COMMD10: variants seen among roughly 807,000 people sequenced by gnomAD.
The protein encoded by COMMD10 is COMM domain-containing protein 10.
COMMD10 carries 33 observed loss-of-function variants against 28.9 expected under a neutral mutation model. The observed-to-expected ratio is 1.14, with a 90% CI of 0.87 to 1.53. The LOEUF is 1.53. COMMD10 is among the 40% of genes most tolerant of loss of function. The pLI is 0.00. For synonymous variants in COMMD10, 110 were observed against 81.7 expected (o/e 1.35, Z -1.87); for missense variants, 310 against 233.4 (o/e 1.33, Z -2.14).
intron 5 of COMMD10, among the ~76,000 whole-genome samples, chr5:116,209,143 G>A (rs1005787798): frequency 6.6e-6 from 1 of 151,060 alleles, no homozygotes; most frequent in African/African-American, 2.4e-5. Context: ...TTTGTTTGTA[G>A]TTTGCACATT....
chr5:116,225,418 T>C (rs1296470666), intron 5 of COMMD10, among the ~76,000 whole-genome samples: 1 of 146,866 alleles, frequency 6.8e-6, no homozygotes, highest in Admixed American at 7.1e-5. Flanking sequence ...GGGAAACATA[T>C]GGTGAAATGA....
intron 5 of COMMD10, among the ~76,000 whole-genome samples, chr5:116,159,912 A>T (rs1433868522): frequency 6.6e-6 from 1 of 152,226 alleles, no homozygotes; most frequent in African/African-American, 2.4e-5. Context: ...TTAAAAAAAT[A>T]GTTAGAAAAC....
intron 5 of COMMD10, among the ~76,000 whole-genome samples, chr5:116,229,565 G>A (rs1749476888): frequency 6.6e-6 from 1 of 151,932 alleles, no homozygotes; most frequent in African/African-American, 2.4e-5. Context: ...GCGCAACACT[G>A]TTAGCTGCTA....
chr5:116,101,113 T>A (rs1750644736), intron 4 of COMMD10, among the ~76,000 whole-genome samples: 1 of 152,228 alleles, frequency 6.6e-6, no homozygotes, highest in Non-Finnish European at 1.5e-5. Flanking sequence ...ATTGTCTATA[T>A]ATACACACCA....
At chr5:116,144,132 A>G (rs1222633823) in intron 5 of COMMD10, among the ~76,000 whole-genome samples, 2 of 151,850 alleles carry the variant, frequency 1.3e-5, no homozygotes, top group Admixed American at 6.6e-5. Context: ...TAAACTAGAA[A>G]TTGAGGTTTG....
At chr5:116,213,961 A>T (rs1749033666) in intron 5 of COMMD10, among the ~76,000 whole-genome samples, 1 of 152,074 alleles carries the variant, frequency 6.6e-6, no homozygotes, top group Admixed American at 6.6e-5. Context: ...TTTGGCTTGA[A>T]TTTTTAATTA....
intron 5 of COMMD10, among the ~76,000 whole-genome samples, chr5:116,237,096 C>T (rs911562277): frequency 6.6e-6 from 1 of 152,042 alleles, no homozygotes; most frequent in Admixed American, 6.6e-5. Flanking sequence ...AAGACTGTGG[C>T]TATCTGAATG....
At chr5:116,235,229 A>C (rs531785846) in intron 5 of COMMD10, among the ~76,000 whole-genome samples, 1 of 152,226 alleles carries the variant, frequency 6.6e-6, no homozygotes, top group Non-Finnish European at 1.5e-5. Context: ...AAAACAGAGA[A>C]CAGATTGATA....
At chr5:116,097,835 A>G (rs1750517247) in intron 4 of COMMD10, among the ~76,000 whole-genome samples, 1 of 152,022 alleles carries the variant, frequency 6.6e-6, no homozygotes. Context: ...GAGGGGCTAC[A>G]TACTTTTGAA....
chr5:116,264,161 A>G (rs768784421), intron 5 of COMMD10, among the ~76,000 whole-genome samples: 13 of 151,702 alleles, frequency 8.6e-5, no homozygotes, highest in Non-Finnish European at 1.5e-4. Context: ...CTTGCTGTAT[A>G]GGAGCCATCT....
At position 116,196,024 on chromosome 5, in the gene COMMD10, G is replaced by A. The variant is rs148928652; in HGVS notation, c.510+61846G>A. 7.2e-5 allele frequency among the ~76,000 whole-genome samples: 11 copies of A among 152,258 alleles called. No homozygotes were observed. In the East Asian group the frequency reaches 1.9e-3, roughly 27 times the overall value. ...GTACAGCCATTATGGAAGACAGTGT[G>A]GAGATTTCTTAAGGAACTAAAAGCA... On this transcript the variant is annotated intron_variant, in intron 5 of 6. Transcript: ENST00000274458.
At chr5:116,242,380 T>G (rs971948157) in intron 5 of COMMD10, among the ~76,000 whole-genome samples, 4 of 152,226 alleles carry the variant, frequency 2.6e-5, no homozygotes, top group African/African-American at 9.6e-5. Context: ...TCAGTCACTT[T>G]AACACATGTT....
chr5:116,277,677 A>G (rs536785095), intron 5 of COMMD10, among the ~76,000 whole-genome samples: 1 of 152,038 alleles, frequency 6.6e-6, no homozygotes, highest in East Asian at 1.9e-4. Context: ...GTTGAAACAG[A>G]GCTTCCATTC....
At chr5:116,151,060 T>C (rs1274195045) in intron 5 of COMMD10, among the ~76,000 whole-genome samples, 1 of 151,118 alleles carries the variant, frequency 6.6e-6, no homozygotes, top group Non-Finnish European at 1.5e-5. Flanking sequence ...TGAGAGTTTT[T>C]GGCATGAAGC....
At chr5:116,100,080 A>G (rs918091891) in intron 4 of COMMD10, among the ~76,000 whole-genome samples, 9 of 152,226 alleles carry the variant, frequency 5.9e-5, no homozygotes, top group African/African-American at 1.7e-4. Flanking sequence ...AATTTTGTGT[A>G]TGAAACAAAG....
At chr5:116,139,267 A>T (rs1752123294) in intron 5 of COMMD10, among the ~76,000 whole-genome samples, 1 of 151,830 alleles carries the variant, frequency 6.6e-6, no homozygotes, top group Non-Finnish European at 1.5e-5. Context: ...TTAGTCAATT[A>T]GAAACACCAT....
At chr5:116,233,670 C>G (rs891535498) in intron 5 of COMMD10, among the ~76,000 whole-genome samples, 2 of 152,102 alleles carry the variant, frequency 1.3e-5, no homozygotes, top group Admixed American at 1.3e-4. Context: ...GAGGAATGTT[C>G]TGGAAGCAGA....
intron 5 of COMMD10, among the ~76,000 whole-genome samples, chr5:116,166,289 G>C (rs1402937613): frequency 6.6e-6 from 1 of 152,068 alleles, no homozygotes; most frequent in Non-Finnish European, 1.5e-5. Context: ...TAGAGCTTAA[G>C]GACTTGAATC....
chr5:116,164,630 G>C (rs1263914264), intron 5 of COMMD10, among the ~76,000 whole-genome samples: 2 of 152,132 alleles, frequency 1.3e-5, no homozygotes, highest in Non-Finnish European at 2.9e-5. Flanking sequence ...CCAACTTGTA[G>C]TTTACAAATG....
Sources: allele counts gnomAD v4.1 joint callset (sites outside exome capture counted in the v4.1 genomes callset), GRCh38; gene constraint gnomAD v4.1.1; transcripts MANE v1.5; gene names NCBI Gene and HGNC (gene_info 2026-07-23, HGNC 2026-07-21).